Variants in PAH observed in about 807,000 individuals in gnomAD.
PAH encodes phenylalanine hydroxylase, also known as phenylalanine-4-hydroxylase.
PAH carries 64 observed loss-of-function variants against 62.0 expected under a neutral mutation model. The ratio of observed to expected loss-of-function variants is 1.03; its 90% CI spans 0.84 to 1.27. The LOEUF is 1.27. Among genes scored for constraint, PAH ranks in the 50% most tolerant of loss-of-function variants. The pLI, the probability that PAH is intolerant of heterozygous loss-of-function variation, is 0.00. For missense variants in PAH, 579 were observed against 542.8 expected (o/e 1.07, Z -0.66); for synonymous variants, 195 against 196.2 (o/e 0.99, Z 0.05).
At chr12:102,890,112 T>C (rs747798680) in intron 3 of PAH, among the ~76,000 whole-genome samples, 7 of 152,198 alleles carry the variant, frequency 4.6e-5, no homozygotes, top group Non-Finnish European at 8.8e-5. Context: ...GTGGGGAACT[T>C]TCGCAATTAA....
At chr12:102,951,075 T>C (rs780241791), upstream of PAH, among the ~76,000 whole-genome samples, 1 of 152,068 alleles carries the variant, frequency 6.6e-6, no homozygotes. Context: ...GGAAGCAGGA[T>C]TTTTTCTTCT....
rs2136757005 is a variant in PAH at position 102,937,148 on chromosome 12, T to A, written c.-96+13441A>T. ...AGGCCTCCCCAGCCCTGCAGAACTG[T>A]GAGTCAATTAAATCTCTTTCCTTTG... On this transcript the variant is annotated intron_variant, in intron 1 of 3. Transcript: ENST00000546844. Among the ~76,000 whole-genome samples the A allele has an allele frequency of 2.0e-5, 3 of 152,348 alleles. No homozygotes were observed. The Middle Eastern group carries it at 0.01, about 518-fold the overall frequency.
intron 2 of PAH, among the ~76,000 whole-genome samples, chr12:102,901,162 C>T (rs1054354306): frequency 6.6e-6 from 1 of 152,066 alleles, no homozygotes; most frequent in Non-Finnish European, 1.5e-5. Context: ...GAAAAGTTGG[C>T]TTGTCTTTCT....
chr12:102,858,537 A>G (rs1875551956), intron 5 of PAH, among the ~76,000 whole-genome samples: 1 of 152,152 alleles, frequency 6.6e-6, no homozygotes, highest in Non-Finnish European at 1.5e-5. Flanking sequence ...TTCTCACCAC[A>G]TTGCACTCAT....
At chr12:102,927,555 T>C (rs1482237624) in intron 1 of PAH, among the ~76,000 whole-genome samples, 3 of 152,122 alleles carry the variant, frequency 2.0e-5, no homozygotes, top group South Asian at 2.1e-4. Flanking sequence ...TATGCACAAG[T>C]ATGTTCAGGG....
upstream of PAH, among the ~76,000 whole-genome samples, chr12:102,953,081 G>T (rs1403043990): frequency 2.6e-5 from 4 of 152,186 alleles, no homozygotes; most frequent in Non-Finnish European, 5.9e-5. Context: ...ACCCCAGCAG[G>T]ACAGAGGCCC....
chr12:102,891,230 C>G (rs550003537), intron 3 of PAH, among the ~76,000 whole-genome samples: 4 of 152,172 alleles, frequency 2.6e-5, no homozygotes, highest in African/African-American at 9.7e-5. Flanking sequence ...GTGTCTTCCC[C>G]TTTGCCAGGC....
intron 3 of PAH, among the ~76,000 whole-genome samples, chr12:102,894,169 C>T (rs116594282): frequency 0.012 from 1,761 of 152,206 alleles, 28 homozygotes; most frequent in African/African-American, 0.04. Context: ...ATATGGCTTT[C>T]GAGTTATCCC....
chr12:102,846,213 G>T (rs1828203329), intron 9 of PAH, among the ~76,000 whole-genome samples: 1 of 152,148 alleles, frequency 6.6e-6, no homozygotes. Context: ...GGAGTTTTTA[G>T]CCTTTTGATG....
intron 2 of PAH, 84 bp downstream of exon 2, chr12:102,912,707 T>C: frequency 1.0e-6 from 1 of 972,354 alleles, no homozygotes; most frequent in Non-Finnish European, 1.7e-6. Flanking sequence ...CCAGATCCTG[T>C]GTTCTTTTCA....
intron 1 of PAH, among the ~76,000 whole-genome samples, chr12:102,932,481 G>A (rs1206496711): frequency 2.0e-5 from 3 of 152,200 alleles, no homozygotes; most frequent in African/African-American, 7.2e-5. Context: ...TGATCCTAGA[G>A]AGCCCATGCC....
At chr12:102,857,641 C>T (rs1407584904) in intron 5 of PAH, among the ~76,000 whole-genome samples, 1 of 152,184 alleles carries the variant, frequency 6.6e-6, no homozygotes, top group African/African-American at 2.4e-5. Flanking sequence ...AGAAACTCTA[C>T]CAGCCAGAAG....
intron 5 of PAH, among the ~76,000 whole-genome samples, chr12:102,858,741 T>C (rs1346889187): frequency 6.6e-6 from 1 of 152,070 alleles, no homozygotes; most frequent in African/African-American, 2.4e-5. Context: ...CATAACGAAA[T>C]GAAGGCAGAG....
chr12:102,950,797 C>T (rs546912263), exon 1 of PAH: 2 of 152,350 alleles, frequency 1.3e-5, no homozygotes, highest in East Asian at 1.9e-4. Context: ...GGATGAGACC[C>T]TTGGTGCGTT....
At chr12:102,945,971 C>T (rs1331041461) in intron 1 of PAH, 2 of 152,174 alleles carry the variant, frequency 1.3e-5, no homozygotes, top group Non-Finnish European at 2.9e-5. Flanking sequence ...ATTCAGGGCC[C>T]AAAGGTTCTT....
chr12:102,908,062 T>C (rs1018294520), intron 2 of PAH, among the ~76,000 whole-genome samples: 3 of 152,100 alleles, frequency 2.0e-5, no homozygotes. Flanking sequence ...CCTTCTTCAA[T>C]CACCCAATAC....
chr12:102,903,733 T>C (rs767012114), intron 2 of PAH, among the ~76,000 whole-genome samples: 10 of 152,226 alleles, frequency 6.6e-5, no homozygotes, highest in Non-Finnish European at 1.2e-4. Flanking sequence ...TTGTTTAGTC[T>C]GAGCCTCTGT....
chr12:102,928,876 T>C (rs944171341), intron 1 of PAH, among the ~76,000 whole-genome samples: 1 of 152,160 alleles, frequency 6.6e-6, no homozygotes, highest in Non-Finnish European at 1.5e-5. Flanking sequence ...AGAGAGCCAC[T>C]TTTCTAGGTT....
Position 102,846,946 on chromosome 12 carries a change from A to G in PAH, c.918T>C (p.Ile306=). 6.2e-7 allele frequency: 1 copy of G among 1,613,324 alleles called. No individual in the cohort carries two copies. The highest frequency in any genetic ancestry group is 8.5e-7 in the Non-Finnish European group (1 of 1,179,348). Residue 306 remains isoleucine (I), a synonymous_variant, in exon 9 of 13, where the codon ATT becomes ATC. Transcript: ENST00000553106. ...CAGGTGCACCCAGAGAGGCAAGGCC[A>G]ATTTCCTGTAATTGGGGGAAAATAG... The part of the protein sequence containing the change: ...DRSFAQFSQE[I]GLASLGAPDE...
Sources: allele counts gnomAD v4.1 joint callset (sites outside exome capture counted in the v4.1 genomes callset), GRCh38; gene constraint gnomAD v4.1.1; transcripts MANE v1.5; gene names NCBI Gene and HGNC (gene_info 2026-07-23, HGNC 2026-07-21).